EARS2: variants seen among roughly 807,000 people sequenced by gnomAD.
EARS2 encodes nondiscriminating glutamyl-tRNA synthetase EARS2, mitochondrial.
Under a neutral mutation model 54.1 loss-of-function variants are expected in EARS2, and 50 were observed. The ratio of observed to expected loss-of-function variants is 0.92; its 90% confidence interval spans 0.74 to 1.17. The LOEUF (loss-of-function observed/expected upper bound fraction) is 1.17. Among genes scored for constraint, EARS2 ranks in the 50% most tolerant of loss-of-function variants. The pLI is 0.00. For synonymous variants in EARS2, 298 were observed against 281.0 expected, an observed-to-expected ratio of 1.06 and a Z score of -0.61; for missense variants, 673 against 675.0, an observed-to-expected ratio of 1.00 and a Z score of 0.03.
chr16:23,547,834 T>G (rs1447858981), intron 2 of EARS2, among the ~76,000 whole-genome samples: 1 of 151,818 alleles, frequency 6.6e-6, no homozygotes, highest in Non-Finnish European at 1.5e-5. Flanking sequence ...TGCTGGGTCA[T>G]GCCTGTAATC....
chr16:23,542,348 C>T (rs1161311447), intron 3 of EARS2, among the ~76,000 whole-genome samples: 1 of 103,006 alleles, frequency 9.7e-6, no homozygotes, highest in East Asian at 3.3e-4. Context: ...GAGACAGTGT[C>T]GCTCTATCGC....
rs759251896 is a variant in EARS2 at position 23,529,580 on chromosome 16, C to T, written c.1274G>A (p.Trp425Ter). 6.2e-7 allele frequency: 1 copy of T among 1,614,038 alleles called. No homozygotes were observed. Among genetic ancestry groups the T allele is most frequent in the African/African-American group, 1.3e-5 (1 of 74,916 alleles). ...DLVSPVYSYL[W>*]TRPAVGRAQL... ...TGCTCGACCTACTGCAGGGCGAGTC[C>T]ACAGGTAAGAGTATACTGGGGACAC... Residue 425 changes from tryptophan (W) to a stop codon, truncating the protein, a stop_gained, in exon 7 of 9, where the codon TGG becomes TAG. Transcript: ENST00000449606. LOFTEE classifies it high-confidence loss of function.
chr16:23,529,661 C>T, intron 6 of EARS2, 29 bp from the exon 7 acceptor site: 1 of 1,613,750 alleles, frequency 6.2e-7, no homozygotes. Flanking sequence ...ATTGAATGCA[C>T]TAGGGACAGG....
chr16:23,544,701 T>A lies in EARS2; in HGVS notation c.298A>T (p.Ile100Phe), dbSNP rs1178373194. ...CGGCGGGGGCTCTCATCAGGCGGGA[T>A]GCCTGGAACACAGGGAATAATGACA... ...NIEDMLEWAG[I>F]PPDESPRRGG... Residue 100 changes from isoleucine to phenylalanine, a missense_variant and splice_region_variant, in exon 3 of 9, where the codon ATC (isoleucine) becomes TTC (phenylalanine). This residue lies in a region of EARS2 where 316 missense variants were observed against 275.2 expected (regional missense o/e 1.15). Transcript: ENST00000449606. 6.3e-7 allele frequency: 1 copy of A among 1,598,720 alleles called. No homozygotes were observed. The highest frequency in any genetic ancestry group is 1.7e-5 in the Admixed American group (1 of 57,400).
At chr16:23,546,533 C>T (rs560681992) in intron 2 of EARS2, 4 of 439,930 alleles carry the variant, frequency 9.1e-6, no homozygotes, top group East Asian at 7.1e-5. Flanking sequence ...GGCCTGTGAC[C>T]GGTGCTCTCT....
intron 1 of EARS2, among the ~76,000 whole-genome samples, chr16:23,554,846 G>A (rs1965750718): frequency 6.6e-6 from 1 of 152,168 alleles, no homozygotes; most frequent in Admixed American, 6.5e-5. Flanking sequence ...CTGTCAGAGG[G>A]ATTAAGAGCA....
At chr16:23,554,479 C>T (rs1965744547) in intron 1 of EARS2, among the ~76,000 whole-genome samples, 1 of 152,204 alleles carries the variant, frequency 6.6e-6, no homozygotes, top group East Asian at 1.9e-4. Context: ...GTCATTACCT[C>T]TTACCGTACC....
chr16:23,528,804 G>A (rs1486263437), intron 7 of EARS2, among the ~76,000 whole-genome samples: 4 of 152,248 alleles, frequency 2.6e-5, no homozygotes, highest in Non-Finnish European at 5.9e-5. Flanking sequence ...AAGAGGCTGA[G>A]GTGGGAGGAT....
rs185814013 is a variant in EARS2 at position 23,546,015 on chromosome 16, C to T, written c.296-1312G>A. ...ACTTAATCTTTCTAAGCCTCAGTTT[C>T]CTCTTTTGAAAAGTGGAGCTAGCAG... On this transcript the variant is annotated intron_variant, in intron 2 of 8. Transcript: ENST00000449606. 5.8e-3 allele frequency among the ~76,000 whole-genome samples: 883 copies of T among 152,260 alleles called. 39 individuals are homozygous for T. The highest frequency in any genetic ancestry group is 0.051 in the Admixed American group (778 of 15,286).
rs1965806602 is a variant in EARS2, at chr16:23,557,092, C to T, written c.139+113G>A. On this transcript the variant is annotated intron_variant, in intron 1 of 8. Coordinates refer to ENST00000449606, the MANE Select transcript of EARS2 (RefSeq NM_001083614.2). ...TAAAATGGGCTCGCGCTGCCTTAAC[C>T]CTCCTCCGCCCGCCCACTCTGACAC... is the stretch of plus-strand genomic sequence containing the variant. 2.1e-6 allele frequency: 3 copies of T among 1,431,590 alleles called. No individual in the cohort carries two copies. The South Asian group carries it at 4.3e-5, about 21-fold the overall frequency. 88.7% of individuals were successfully genotyped at this position (1,431,590 alleles called of 1,614,324 possible). A position where few individuals can be genotyped will look rare whatever the true frequency, so the allele number is the denominator to read the frequency against.
In EARS2 at chr16:23,521,170, C is replaced by T. The variant is rs1452948394; in HGVS notation, c.*3201G>A. ...ACCATCTCAGTCATTTTTAAATATA[C>T]AGTTCAGCGGCATTACGTATCTTTA... On this transcript the variant is annotated 3_prime_UTR_variant, in exon 9 of 9. Transcript: ENST00000449606. Among the ~76,000 whole-genome samples the T allele has an allele frequency of 6.6e-6, 1 of 152,154 alleles. No homozygotes were observed. The highest frequency in any genetic ancestry group is 1.5e-5 in the Non-Finnish European group (1 of 68,030).
chr16:23,524,430 T>A lies in EARS2; in HGVS notation c.1513A>T (p.Met505Leu). 1.2e-6 allele frequency: 2 copies of A among 1,614,160 alleles called. No individual in the cohort carries two copies. The highest frequency in any genetic ancestry group is 1.7e-6 in the Non-Finnish European group (2 of 1,180,022). The change falls in exon 9 of 9, where the codon ATG becomes TTG. Residue 505 changes from methionine (M) to leucine (L), a missense_variant. Physicochemically the swap from Met to Leu is conservative, Grantham distance 15 (BLOSUM62 2). Around this residue, in one of 3 missense-constraint regions of EARS2, gnomAD observed 338 missense variants for 361.2 expected, o/e 0.94. Coordinates refer to ENST00000449606, the MANE Select transcript of EARS2 (RefSeq NM_001083614.2). ...QQQGPPVAEM[M>L]LALGPKEVRE... Reference sequence around the variant, plus strand: ...ACTTCCTTTGGTCCCAAGGCCAACATCATCTCAGCTACAGGAGGTCCTTGC... The same window carrying A: ...ACTTCCTTTGGTCCCAAGGCCAACAACATCTCAGCTACAGGAGGTCCTTGC...
chr16:23,546,047 G>A (rs1460646129), intron 2 of EARS2, among the ~76,000 whole-genome samples: 1 of 152,208 alleles, frequency 6.6e-6, no homozygotes, highest in Non-Finnish European at 1.5e-5. Flanking sequence ...GCAGCCTCCT[G>A]TGCAGAGGGA....
intron 3 of EARS2, among the ~76,000 whole-genome samples, chr16:23,543,032 T>C (rs1965540795): frequency 6.6e-6 from 1 of 150,534 alleles, no homozygotes; most frequent in Non-Finnish European, 1.5e-5. Flanking sequence ...CGAGAATCCC[T>C]TGAACCCGGG....
intron 1 of EARS2, 195 bp downstream of exon 1, chr16:23,557,010 A>T: frequency 3.5e-6 from 3 of 865,226 alleles, no homozygotes; most frequent in Non-Finnish European, 5.5e-6. Context: ...CAAAAAACAC[A>T]AGAAACTCCT....
rs534175731 is a variant in EARS2 at position 23,528,880 on chromosome 16, G to A, written c.1352+622C>T. 3.9e-5 allele frequency among the ~76,000 whole-genome samples: 6 copies of A among 152,336 alleles called. No individual in the cohort carries two copies. In the South Asian group the frequency reaches 8.3e-4, roughly 21 times the overall value. ...AAATGTACTTCCACAAAGGACATGC[G>A]CTGTCATTTCTTTTGTCTGGTAGAG... On this transcript the variant is annotated intron_variant, in intron 7 of 8. Transcript: ENST00000449606.
At chr16:23,553,043 C>A in intron 1 of EARS2, 1 of 400,116 alleles carries the variant, frequency 2.5e-6, no homozygotes, top group Non-Finnish European at 5.1e-6. Flanking sequence ...GGGAGGATCA[C>A]CTGAGCCTGG....
intron 2 of EARS2, chr16:23,545,266 T>C (rs1965584782): frequency 6.6e-6 from 1 of 152,066 alleles, no homozygotes; most frequent in African/African-American, 2.4e-5. Flanking sequence ...CCTAATTGTA[T>C]GTCCTCTCAA....
At chr16:23,537,846 C>T (rs1468514014) in intron 3 of EARS2, among the ~76,000 whole-genome samples, 1 of 146,726 alleles carries the variant, frequency 6.8e-6, no homozygotes, top group African/African-American at 2.6e-5. Context: ...GGCTGGAGTA[C>T]AGTAGAGTGA....
Sources: gnomAD v4.1 joint callset for allele counts (sites outside exome capture counted in the v4.1 genomes callset) on GRCh38, gnomAD v4.1.1 for gene constraint, gnomAD v4.1.1 regional missense constraint, MANE v1.5 for transcripts, NCBI Gene and HGNC (gene_info 2026-07-23, HGNC 2026-07-21) for gene names.